COL6A1: variants seen among roughly 807,000 people sequenced by gnomAD.
COL6A1 encodes collagen alpha-1(VI) chain.
COL6A1 carries 80 observed loss-of-function variants against 145.6 expected under a neutral mutation model. The observed-to-expected ratio is 0.55, with a 90% CI of 0.46 to 0.66. The LOEUF (loss-of-function observed/expected upper bound fraction) is 0.66, where lower values mean the gene tolerates loss of function less well. COL6A1 is among the 30% of genes least tolerant of loss of function. COL6A1 has a pLI of 0.00. For missense variants in COL6A1, 1,364 were observed against 1,473.8 expected (o/e 0.93, Z 1.22); for synonymous variants, 638 against 622.8 (o/e 1.02, Z -0.36).
At position 45,987,689 on chromosome 21, in the gene COL6A1, G is replaced by A. The variant is rs200902141; in HGVS notation, c.804+35G>A. The A allele has an allele frequency of 2.3e-4, 373 of 1,593,256 alleles. 2 individuals carry two copies. The East Asian group carries it at 8.3e-3, about 35-fold the overall frequency. ...GACTCCTGCTCCTCCCATGTGTTGT[G>A]GGGCCTGGGAGTGGGGGTGGCAGGA... On this transcript the variant is annotated intron_variant, in intron 8 of 34. Transcript: ENST00000361866.
intron 33 of COL6A1, 35 bp from the exon 34 acceptor site, chr21:46,003,085 G>C: frequency 6.2e-7 from 1 of 1,614,074 alleles, no homozygotes; most frequent in Non-Finnish European, 8.5e-7. Context: ...AGGTGGAGCA[G>C]TGGGCTCACA....
intron 8 of COL6A1, among the ~76,000 whole-genome samples, 187 bp from the exon 9 acceptor site, chr21:45,988,897 G>A (rs981135146): frequency 6.6e-6 from 1 of 152,202 alleles, no homozygotes; most frequent in African/African-American, 2.4e-5. Context: ...CGAAGGCAGG[G>A]AGTGGGGGGA....
At chr21:45,993,017 A>G (rs1202458229) in intron 19 of COL6A1, among the ~76,000 whole-genome samples, 1 of 152,212 alleles carries the variant, frequency 6.6e-6, no homozygotes, top group Non-Finnish European at 1.5e-5. Context: ...TTTCATGTGA[A>G]GGCGTTGCCC....
chr21:45,985,327 C>CAGAG (rs969673765), intron 3 of COL6A1, among the ~76,000 whole-genome samples: 2 of 149,664 alleles, frequency 1.3e-5, no homozygotes, highest in Admixed American at 6.6e-5. Flanking sequence ...GAGATAGAAG[C>CAGAG]AGAGAGAGAG....
At position 45,992,006 on chromosome 21, in the gene COL6A1, C is replaced by A. The variant is rs774777508; in HGVS notation, c.1120-4C>A. ...GCGTGTGTGACTCCCCCGGTCTTCC[C>A]CAGGGCGAGCCTGGAGCTGACGGGG... is the stretch of plus-strand genomic sequence containing the variant. On this transcript the variant is annotated splice_region_variant and splice_polypyrimidine_tract_variant and intron_variant, in intron 15 of 34. Coordinates refer to ENST00000361866, the MANE Select transcript of COL6A1 (RefSeq NM_001848.3). 8 of 1,583,854 alleles carry A rather than the reference C, an allele frequency of 5.1e-6. No homozygotes were observed. In the South Asian group the frequency reaches 8.0e-5, roughly 16 times the overall value.
At chr21:46,003,253 A>G in intron 34 of COL6A1, 104 bp downstream of exon 34, 1 of 1,606,064 alleles carries the variant, frequency 6.2e-7, no homozygotes, top group Non-Finnish European at 8.5e-7. Context: ...CGGTCACGAG[A>G]GTAGGTGCAT....
chr21:45,982,055 T>A, intron 1 of COL6A1, 108 bp downstream of exon 1: 1 of 921,774 alleles, frequency 1.1e-6, no homozygotes. Flanking sequence ...ACTGGGGGCC[T>A]GGAGCCCCTG....
Position 45,986,694 on chromosome 21 carries a change from C to A in COL6A1, c.588+9C>A. 3 of 1,541,822 alleles carry A rather than the reference C, an allele frequency of 1.9e-6. No individual in the cohort carries two copies. Among genetic ancestry groups the A allele is most frequent in the Non-Finnish European group, 2.6e-6 (3 of 1,146,868 alleles). ...TCACACCCGACCACCTGGTAGGCAC[C>A]GGCCCCCCCCGGCAGATGCCCCCAA... On this transcript the variant is annotated intron_variant, in intron 4 of 34. Transcript: ENST00000361866.
At chr21:45,984,637 G>A (rs2077727171) in intron 3 of COL6A1, among the ~76,000 whole-genome samples, 168 bp downstream of exon 3, 1 of 152,210 alleles carries the variant, frequency 6.6e-6, no homozygotes, top group Non-Finnish European at 1.5e-5. Flanking sequence ...GACGGAGACA[G>A]ACAGAGACAG....
intron 20 of COL6A1, among the ~76,000 whole-genome samples, chr21:45,995,868 T>TG (rs1336683029): frequency 2.0e-5 from 3 of 151,968 alleles, no homozygotes; most frequent in Admixed American, 2.0e-4. Context: ...GGCCCGGGGG[T>TG]GTGGATAGGT....
intron 13 of COL6A1, 145 bp downstream of exon 13, chr21:45,990,567 C>A: frequency 6.1e-6 from 2 of 326,128 alleles, no homozygotes; most frequent in Non-Finnish European, 1.1e-5. Flanking sequence ...CGGGGAGGGA[C>A]GGGGAGGGAT....
rs201835072 is a variant in COL6A1, at chr21:46,003,723, G to A, written c.2797G>A (p.Gly933Ser). 7.9e-5 allele frequency: 128 copies of A among 1,612,946 alleles called. 2 individuals carry two copies. In the Middle Eastern group the frequency reaches 9.9e-4, roughly 12 times the overall value. The change falls in exon 35 of 35, where the codon GGC (glycine) becomes AGC (serine). Residue 933 changes from glycine (G) to serine (S), a missense_variant. By Grantham distance (56) the Gly-to-Ser change is moderately conservative. Transcript: ENST00000361866. ...VTRFYREASS[G>S]AAKKRLLLFS... ...CCGCTTCTACCGCGAGGCCTCGTCC[G>A]GCGCTGCCAAGAAGAGGCTGCTGCT...
Position 45,997,501 on chromosome 21 carries a change from C to G in COL6A1, c.1461+18C>G, listed in dbSNP as rs2276254. ...GGTCCGAGGTGAGTCCCACTCCCCA[C>G]CCACACCCGCCCACCCAGGGGGGCC... On this transcript the variant is annotated intron_variant, in intron 21 of 34. Transcript: ENST00000361866. 1.9e-6 allele frequency: 3 copies of G among 1,607,480 alleles called. No individual in the cohort carries two copies. Among genetic ancestry groups the G allele is most frequent in the South Asian group, 1.1e-5 (1 of 90,996 alleles).
chr21:46,003,378 C>A lies in COL6A1; in HGVS notation c.2465-13C>A. 2 of 1,599,862 alleles carry A rather than the reference C, an allele frequency of 1.3e-6. No homozygotes were observed. Among genetic ancestry groups the A allele is most frequent in the Non-Finnish European group, 1.7e-6 (2 of 1,179,666 alleles). On this transcript the variant is annotated splice_polypyrimidine_tract_variant and intron_variant, in intron 34 of 34. Coordinates refer to ENST00000361866, the MANE Select transcript of COL6A1 (RefSeq NM_001848.3). ...AGGGCCTCATGCTAACGGCTGCCCA[C>A]CCCGCCCCGCAGTCACGTTCTCCTC...
At chr21:45,986,477 C>A in intron 3 of COL6A1, 49 bp from the exon 4 acceptor site, 1 of 1,542,220 alleles carries the variant, frequency 6.5e-7, no homozygotes, top group Non-Finnish European at 8.8e-7. Flanking sequence ...GGTCTCCCTC[C>A]AGTTCCCCCA....
Position 46,004,249 on chromosome 21 carries a change from G to A in COL6A1, c.*236G>A, listed in dbSNP as rs2077867931. 3.3e-6 allele frequency: 2 copies of A among 601,356 alleles called. No homozygotes were observed. Among genetic ancestry groups the A allele is most frequent in the South Asian group, 4.0e-5 (2 of 50,086 alleles). 37.3% of individuals were successfully genotyped at this position (601,356 alleles called of 1,614,324 possible). ...CCCTCTGGGGCTCAGCCCTGAGCTA[G>A]TGTCACCTGCACAGGGCCCTCTGAG... On this transcript the variant is annotated 3_prime_UTR_variant, in exon 35 of 35. Coordinates refer to ENST00000361866, the MANE Select transcript of COL6A1 (RefSeq NM_001848.3).
Position 45,991,073 on chromosome 21 carries a change from G to A in COL6A1, c.1119+32G>A, listed in dbSNP as rs751003702. 4.3e-6 allele frequency: 7 copies of A among 1,611,228 alleles called. No homozygotes were observed. The African/African-American group carries it at 9.3e-5, about 22-fold the overall frequency. On this transcript the variant is annotated intron_variant, in intron 15 of 34. Coordinates refer to ENST00000361866, the MANE Select transcript of COL6A1 (RefSeq NM_001848.3). ...GACTTGCGGCCCCTGGAGGACCAGG[G>A]CCTTCACGGTTGGCCAAGCGCTGAA...
chr21:46,000,875 C>G, intron 29 of COL6A1, 108 bp downstream of exon 29: 1 of 1,385,378 alleles, frequency 7.2e-7, no homozygotes, highest in Non-Finnish European at 1.0e-6. Flanking sequence ...GGTCCCCGCC[C>G]GCAGCTCCCT....
At chr21:45,998,327 C>T (rs948369475) in intron 23 of COL6A1, 71 bp from the exon 24 acceptor site, 101 of 1,599,156 alleles carry the variant, frequency 6.3e-5, no homozygotes, top group Non-Finnish European at 7.9e-5. Context: ...CAGGCCCTTC[C>T]GCTGTGCGCC....
Sources: allele counts gnomAD v4.1 joint callset (sites outside exome capture counted in the v4.1 genomes callset), GRCh38; gene constraint gnomAD v4.1.1; transcripts MANE v1.5; gene names NCBI Gene and HGNC (gene_info 2026-07-23, HGNC 2026-07-21).